The following REDIC1 variants were observed in gnomAD, a reference collection of about 807,000 sequenced individuals.
The protein encoded by REDIC1 is HEI10 Interacting Protein 1.
the REDIC1 span, among the ~76,000 whole-genome samples, chr12:39,839,190 C>T: frequency 1.3e-5 from 2 of 152,070 alleles, no homozygotes; most frequent in Non-Finnish European, 2.9e-5. Context: ...GAGAACACCG[C>T]CACTACCAGT....
At chr12:39,766,119 C>T in the REDIC1 span, among the ~76,000 whole-genome samples, 6 of 152,114 alleles carry the variant, frequency 3.9e-5, no homozygotes, top group Non-Finnish European at 7.4e-5. Flanking sequence ...CTGATCACAA[C>T]CACCACTTTG....
At chr12:39,741,530 AC>A in the REDIC1 span, among the ~76,000 whole-genome samples, 3 of 152,186 alleles carry the variant, frequency 2.0e-5, no homozygotes, top group Non-Finnish European at 4.4e-5. Flanking sequence ...GACAAATCAA[AC>A]TTGCAAAATA....
the REDIC1 span, among the ~76,000 whole-genome samples, chr12:39,832,177 A>G: frequency 6.6e-6 from 1 of 152,160 alleles, no homozygotes; most frequent in Admixed American, 6.6e-5. Flanking sequence ...TAAACTAGAC[A>G]ACTGAAGGCT....
the REDIC1 span, among the ~76,000 whole-genome samples, chr12:39,711,815 G>A: frequency 5.7e-5 from 5 of 87,550 alleles, no homozygotes; most frequent in East Asian, 7.1e-4. Context: ...GTGTATGTGT[G>A]TACACATGCA....
chr12:39,646,628 T>G, the REDIC1 span, among the ~76,000 whole-genome samples: 16 of 151,874 alleles, frequency 1.1e-4, no homozygotes, highest in African/African-American at 3.6e-4. Flanking sequence ...ATGATCCAGA[T>G]TTTGTACACT....
At chr12:39,737,181 G>A in the REDIC1 span, among the ~76,000 whole-genome samples, 2 of 152,168 alleles carry the variant, frequency 1.3e-5, no homozygotes, top group African/African-American at 4.8e-5. Flanking sequence ...TAAATGGATT[G>A]GAGCACAACC....
the REDIC1 span, among the ~76,000 whole-genome samples, chr12:39,820,720 TATATATATATA>T: frequency 1.6e-3 from 1 of 622 alleles, no homozygotes; most frequent in Admixed American, 0.017. Flanking sequence ...TTTAAATTTA[TATATATATATA>T]TATATATATA....
At chr12:39,678,498 T>G in the REDIC1 span, among the ~76,000 whole-genome samples, 2,123 of 152,076 alleles carry the variant, frequency 0.014, 50 homozygotes, top group African/African-American at 0.048. Flanking sequence ...ACGCTGAATT[T>G]TATCAGCCAT....
chr12:39,842,471 CAT>C, the REDIC1 span, among the ~76,000 whole-genome samples: 1 of 152,022 alleles, frequency 6.6e-6, no homozygotes, highest in Non-Finnish European at 1.5e-5. Context: ...TAGTGACTAA[CAT>C]GTGACACTCT....
chr12:39,678,270 AC>A, the REDIC1 span, among the ~76,000 whole-genome samples: 1 of 152,174 alleles, frequency 6.6e-6, no homozygotes, highest in African/African-American at 2.4e-5. Context: ...AACTGATACT[AC>A]AGAAATACAA....
At chr12:39,713,421 T>G in the REDIC1 span, among the ~76,000 whole-genome samples, 1 of 9,524 alleles carries the variant, frequency 1.0e-4, no homozygotes, top group Admixed American at 1.4e-3. Context: ...CACATATACA[T>G]ATGTATATAT....
chr12:39,904,913 G>A, the REDIC1 span, among the ~76,000 whole-genome samples: 1 of 152,014 alleles, frequency 6.6e-6, no homozygotes, highest in South Asian at 2.1e-4. Context: ...CCTTGAACAT[G>A]GTACATGCAC....
At chr12:39,854,412 G>A in the REDIC1 span, among the ~76,000 whole-genome samples, 1 of 152,176 alleles carries the variant, frequency 6.6e-6, no homozygotes, top group Non-Finnish European at 1.5e-5. Context: ...CATCCTGCTA[G>A]GTATATTGGC....
At chr12:39,677,027 GAA>G in the REDIC1 span, among the ~76,000 whole-genome samples, 70 of 141,538 alleles carry the variant, frequency 4.9e-4, no homozygotes, top group South Asian at 1.3e-3. Context: ...ATAACACAAT[GAA>G]AAAAAAAAAA....
At chr12:39,750,005 C>A in the REDIC1 span, among the ~76,000 whole-genome samples, 1 of 152,164 alleles carries the variant, frequency 6.6e-6, no homozygotes, top group African/African-American at 2.4e-5. Flanking sequence ...TGAAACCTGG[C>A]ACAAGACAGG....
the REDIC1 span, among the ~76,000 whole-genome samples, chr12:39,641,498 A>G: frequency 2.0e-5 from 3 of 151,760 alleles, no homozygotes; most frequent in Non-Finnish European, 2.9e-5. Context: ...AGAGATGGAG[A>G]AAGAAGACAG....
At chr12:39,809,030 T>C in the REDIC1 span, among the ~76,000 whole-genome samples, 3 of 152,182 alleles carry the variant, frequency 2.0e-5, no homozygotes, top group African/African-American at 7.2e-5. Flanking sequence ...ATAAATGTTT[T>C]ATGATTTTAG....
the REDIC1 span, chr12:39,788,452 A>G: frequency 2.0e-5 from 3 of 152,188 alleles, no homozygotes; most frequent in African/African-American, 2.4e-5. Context: ...TATACTGGAC[A>G]AAGGGATGAT....
chr12:39,692,188 GTGATTTT>G, the REDIC1 span: 1 of 1,287,226 alleles, frequency 7.8e-7, no homozygotes, highest in Non-Finnish European at 1.0e-6. Context: ...TAAATTTGAA[GTGATTTT>G]TTAGATGTTT....
Sources: allele counts gnomAD v4.1 joint callset (sites outside exome capture counted in the v4.1 genomes callset), GRCh38; gene constraint gnomAD v4.1.1; transcripts MANE v1.5; gene names NCBI Gene and HGNC (gene_info 2026-07-23, HGNC 2026-07-21).